The following SYTL3 variants were observed in gnomAD, a reference collection of about 807,000 sequenced individuals.
SYTL3 encodes the protein synaptotagmin like 3.
In SYTL3, 88 loss-of-function variants were observed where a neutral mutation model predicts 82.1. That is an observed-to-expected ratio of 1.07 (90% CI 0.90 to 1.28). The LOEUF (loss-of-function observed/expected upper bound fraction) is 1.28. SYTL3 is among the 50% of genes most tolerant of loss of function. The pLI, the probability that SYTL3 is intolerant of heterozygous loss-of-function variation, is 0.00. For missense variants in SYTL3, 831 were observed against 757.6 expected (o/e 1.10, Z -1.14); for synonymous variants, 311 against 289.4 (o/e 1.07, Z -0.76).
chr6:158,726,764 A>G, intron 11 of SYTL3: 1 of 196,128 alleles, frequency 5.1e-6, no homozygotes, highest in Non-Finnish European at 1.1e-5. Context: ...TGAGATGGAG[A>G]TGTTTTCAGT....
At chr6:158,743,582 G>A (rs1787203724) in intron 11 of SYTL3, among the ~76,000 whole-genome samples, 1 of 145,066 alleles carries the variant, frequency 6.9e-6, no homozygotes, top group South Asian at 2.2e-4. Context: ...CACTCATGCT[G>A]GTGCACCAGT....
In SYTL3 at chr6:158,663,084, A is replaced by G. The variant is rs886527042; in HGVS notation, c.-185A>G. ...GAACTTCTTGAGGCTTTCTTCTTCT[A>G]AGGAGTATGACACAGTTAAAAAGGA... On this transcript the variant is annotated 5_prime_UTR_variant, in exon 4 of 18. Coordinates refer to ENST00000611299, the MANE Select transcript of SYTL3 (RefSeq NM_001242394.2). The G allele has an allele frequency of 1.1e-4, 57 of 535,476 alleles. No individual in the cohort carries two copies. The highest frequency in any genetic ancestry group is 1.7e-4 in the Non-Finnish European group (52 of 301,570). 33.2% of individuals were successfully genotyped at this position (535,476 alleles called of 1,614,324 possible).
At chr6:158,673,149 A>G (rs1777594453) in intron 5 of SYTL3, among the ~76,000 whole-genome samples, 1 of 152,152 alleles carries the variant, frequency 6.6e-6, no homozygotes, top group Non-Finnish European at 1.5e-5. Flanking sequence ...GCTGGTCTTG[A>G]ACTCCTAGCT....
chr6:158,760,254 C>T (rs971348729), intron 14 of SYTL3, among the ~76,000 whole-genome samples: 2 of 152,170 alleles, frequency 1.3e-5, no homozygotes, highest in Non-Finnish European at 2.9e-5. Flanking sequence ...GGAAGGGCAG[C>T]GTGAATCTCT....
intron 6 of SYTL3, among the ~76,000 whole-genome samples, chr6:158,693,243 C>T (rs1266099998): frequency 6.6e-6 from 1 of 152,122 alleles, no homozygotes; most frequent in Non-Finnish European, 1.5e-5. Context: ...TTTGAGACAG[C>T]GTCTCATTTT....
intron 13 of SYTL3, 32 bp from the exon 14 acceptor site, chr6:158,757,179 C>T (rs762325820): frequency 1.3e-6 from 2 of 1,594,024 alleles, no homozygotes; most frequent in Admixed American, 1.7e-5. Context: ...GCCCCGGGAG[C>T]CCAGCTGACC....
intron 11 of SYTL3, chr6:158,725,993 G>T: frequency 3.0e-6 from 2 of 663,234 alleles, no homozygotes; most frequent in South Asian, 1.4e-5. Context: ...GCTGCGTTAG[G>T]CATGCAAGCC....
chr6:158,738,714 G>A (rs1250831325), intron 11 of SYTL3, among the ~76,000 whole-genome samples: 1 of 152,216 alleles, frequency 6.6e-6, no homozygotes, highest in East Asian at 1.9e-4. Context: ...CTGGAGTACA[G>A]TGGTGCTATC....
chr6:158,684,492 G>A (rs868038249), intron 6 of SYTL3, among the ~76,000 whole-genome samples: 2 of 150,456 alleles, frequency 1.3e-5, no homozygotes, highest in African/African-American at 2.5e-5. Context: ...CACAGGCACC[G>A]TCACGGTGGA....
At chr6:158,731,497 T>G (rs1343296590) in intron 11 of SYTL3, among the ~76,000 whole-genome samples, 1 of 152,006 alleles carries the variant, frequency 6.6e-6, no homozygotes, top group Non-Finnish European at 1.5e-5. Context: ...CATACCCAAG[T>G]CAAAAAAGCA....
rs1490549212 is a variant in SYTL3 at position 158,697,022 on chromosome 6, C to T, written c.395-10208C>T. 2.6e-5 allele frequency among the ~76,000 whole-genome samples: 4 copies of T among 151,580 alleles called. No individual in the cohort carries two copies. In the East Asian group the frequency reaches 7.8e-4, roughly 29 times the overall value. On this transcript the variant is annotated intron_variant, in intron 6 of 17. Transcript: ENST00000611299. ...TCTTAGCCAACTTTTTTCTTAGTTA[C>T]CTTATTTCACTTAGCAAGTGCTAAG...
At chr6:158,732,482 C>T (rs891426313) in intron 11 of SYTL3, among the ~76,000 whole-genome samples, 3 of 152,234 alleles carry the variant, frequency 2.0e-5, no homozygotes, top group Non-Finnish European at 2.9e-5. Flanking sequence ...CCTTTCCACT[C>T]GGACAGTCCT....
At chr6:158,656,301 C>T (rs966519577) in intron 2 of SYTL3, among the ~76,000 whole-genome samples, 7 of 152,082 alleles carry the variant, frequency 4.6e-5, no homozygotes, top group African/African-American at 1.7e-4. Context: ...TCCTCTTCCT[C>T]GTGGTCCATT....
At chr6:158,760,515 T>C (rs996895917) in intron 14 of SYTL3, 125 bp from the exon 15 acceptor site, 4 of 753,842 alleles carry the variant, frequency 5.3e-6, no homozygotes, top group Non-Finnish European at 9.3e-6. Context: ...ACACACCTGC[T>C]CCACCCAGGG....
chr6:158,705,464 GGAGGGACCTGGGGA>G (rs1562400316), intron 6 of SYTL3, among the ~76,000 whole-genome samples: 1 of 120,032 alleles, frequency 8.3e-6, no homozygotes, highest in Non-Finnish European at 1.9e-5. Flanking sequence ...ACATAGGGCA[GGAGGGACCTGGGGA>G]CAGGGTGACA....
chr6:158,729,768 G>T (rs536987459), intron 11 of SYTL3, among the ~76,000 whole-genome samples: 1 of 151,722 alleles, frequency 6.6e-6, no homozygotes, highest in Non-Finnish European at 1.5e-5. Context: ...GGGTTTCACC[G>T]TGTTAGCCAG....
At chr6:158,710,572 C>T in intron 8 of SYTL3, among the ~76,000 whole-genome samples, 1 of 151,890 alleles carries the variant, frequency 6.6e-6, no homozygotes, top group East Asian at 1.9e-4. Context: ...TAATTTTTAC[C>T]TCCAGCATGG....
At chr6:158,658,273 A>C (rs996205623) in intron 2 of SYTL3, among the ~76,000 whole-genome samples, 1 of 152,226 alleles carries the variant, frequency 6.6e-6, no homozygotes, top group Non-Finnish European at 1.5e-5. Context: ...TTCTGTTGTT[A>C]ATTAAAATTT....
intron 13 of SYTL3, 53 bp downstream of exon 13, chr6:158,752,083 C>T (rs528874964): frequency 7.4e-6 from 10 of 1,345,438 alleles, no homozygotes; most frequent in Admixed American, 2.7e-5. Flanking sequence ...CCGGGTGGAG[C>T]GCCTGGGGCA....
Sources: gnomAD v4.1 joint callset for allele counts (sites outside exome capture counted in the v4.1 genomes callset) on GRCh38, gnomAD v4.1.1 for gene constraint, MANE v1.5 for transcripts, NCBI Gene and HGNC (gene_info 2026-07-23, HGNC 2026-07-21) for gene names.